Variants in BUB1B observed in about 807,000 individuals in gnomAD.
BUB1B encodes BUB1 mitotic checkpoint serine/threonine kinase B.
In BUB1B, 86 loss-of-function variants were observed where a neutral mutation model predicts 137.7. The observed-to-expected ratio is 0.62, with a 90% CI of 0.52 to 0.75. The LOEUF (loss-of-function observed/expected upper bound fraction) is 0.75. BUB1B is among the 30% of genes least tolerant of loss of function. BUB1B has a pLI of 0.00. For synonymous variants in BUB1B, 420 were observed against 417.9 expected (o/e 1.00, Z -0.06); for missense variants, 1,130 against 1,236.9 (o/e 0.91, Z 1.30).
chr15:40,181,342 C>T (rs557522724), intron 5 of BUB1B, among the ~76,000 whole-genome samples: 48 of 152,254 alleles, frequency 3.2e-4, no homozygotes, highest in African/African-American at 1.1e-3. Flanking sequence ...CCACCCGCCT[C>T]GGCCTCCCAA....
chr15:40,213,833 C>T (rs940898570), intron 20 of BUB1B, among the ~76,000 whole-genome samples: 1 of 152,134 alleles, frequency 6.6e-6, no homozygotes, highest in African/African-American at 2.4e-5. Flanking sequence ...CCACTGCACC[C>T]GGCCAAGTTG....
At chr15:40,165,337 G>T in intron 2 of BUB1B, 141 bp downstream of exon 2, 1 of 1,075,474 alleles carries the variant, frequency 9.3e-7, no homozygotes. Flanking sequence ...ACCTGCTTTC[G>T]TATCACATGA....
chr15:40,212,886 C>A (rs1260349693), intron 19 of BUB1B, among the ~76,000 whole-genome samples: 2 of 152,136 alleles, frequency 1.3e-5, no homozygotes, highest in African/African-American at 4.8e-5. Context: ...AATGAACTCC[C>A]ATGAACTAGT....
intron 13 of BUB1B, 48 bp downstream of exon 13, chr15:40,202,513 C>G: frequency 6.3e-7 from 1 of 1,592,820 alleles, no homozygotes; most frequent in East Asian, 2.2e-5. Context: ...TAAGAATTTT[C>G]TGTTATTATA....
intron 5 of BUB1B, among the ~76,000 whole-genome samples, chr15:40,180,692 C>G (rs112277679): frequency 1.6e-5 from 2 of 123,898 alleles, no homozygotes; most frequent in Non-Finnish European, 3.2e-5. Flanking sequence ...CTCTGTCGTC[C>G]GGGCTACAGT....
At position 40,208,703 on chromosome 15, in the gene BUB1B, T is replaced by G; in HGVS notation, c.2076T>G (p.Val692=). ...SSGFSGSSAS[V]ASTSSIKCLQ... The stretch of plus-strand genomic sequence containing the variant: ...GCTTCTCTGGTTCTTCTGCCTCGGT[T>G]GCAAGCACCTCCTCCATCAAATGTC... The change falls in exon 16 of 23, where the codon GTT becomes GTG. Residue 692 remains valine (V), a synonymous_variant. Transcript: ENST00000287598. 6.2e-7 allele frequency: 1 copy of G among 1,613,750 alleles called. No individual in the cohort carries two copies. Among genetic ancestry groups the G allele is most frequent in the Non-Finnish European group, 8.5e-7 (1 of 1,179,618 alleles).
At position 40,200,948 on chromosome 15, in the gene BUB1B, A is replaced by G. The variant is rs747225593; in HGVS notation, c.1535A>G (p.Glu512Gly). The change falls in exon 12 of 23, where the codon GAG (glutamate) becomes GGG (glycine). Residue 512 changes from glutamate (E) to glycine (G), a missense_variant. Transcript: ENST00000287598. ...NCCARETSLA[E>G]NIWQEQPHSK... ...CTTTACAGAGAAACTTCACTTGCGG[A>G]GAACATTTGGCAGGAACAACCTCAT... is the stretch of plus-strand genomic sequence containing the variant. The G allele has an allele frequency of 6.8e-6, 11 of 1,613,418 alleles. No individual in the cohort carries two copies. In the Middle Eastern group the frequency reaches 8.3e-4, roughly 121 times the overall value.
At chr15:40,177,142 A>G (rs1276994918) in intron 5 of BUB1B, among the ~76,000 whole-genome samples, 1 of 152,200 alleles carries the variant, frequency 6.6e-6, no homozygotes, top group African/African-American at 2.4e-5. Context: ...TTTGTCAGAT[A>G]TGTGATTTGA....
chr15:40,220,679 A>C lies in BUB1B; in HGVS notation c.3073A>C (p.Thr1025Pro). ...AGCAGAAATGAATGGGGTTTTTGAC[A>C]CTACATTCCAAAGTCACCTGAACAA... ...LAAEMNGVFD[T>P]TFQSHLNKAL... The change falls in exon 23 of 23, where the codon ACT (threonine) becomes CCT (proline). Residue 1025 changes from threonine (T) to proline (P), a missense_variant. Physicochemically the swap from Thr to Pro is conservative, Grantham distance 38. Coordinates refer to ENST00000287598, the MANE Select transcript of BUB1B (RefSeq NM_001211.6). 1 of 1,614,184 alleles carries C rather than the reference A, an allele frequency of 6.2e-7. No individual in the cohort carries two copies. Among genetic ancestry groups the C allele is most frequent in the Non-Finnish European group, 8.5e-7 (1 of 1,180,030 alleles).
intron 8 of BUB1B, among the ~76,000 whole-genome samples, chr15:40,195,896 A>G (rs2037491943): frequency 6.6e-6 from 1 of 152,184 alleles, no homozygotes; most frequent in Admixed American, 6.5e-5. Flanking sequence ...TGTCGGATGC[A>G]TAGATCGTGA....
Position 40,218,579 on chromosome 15 carries a change from G to A in BUB1B, c.2957+17G>A, listed in dbSNP as rs752575105. 5.8e-6 allele frequency: 9 copies of A among 1,550,918 alleles called. No homozygotes were observed. Among genetic ancestry groups the A allele is most frequent in the African/African-American group, 2.7e-5 (2 of 73,616 alleles). On this transcript the variant is annotated intron_variant, in intron 22 of 22. Coordinates refer to ENST00000287598, the MANE Select transcript of BUB1B (RefSeq NM_001211.6). ...TATTTCTGAGTAAGTATTGATGAATGTCAGGGTCTCTGCCTGTCCCAATAA... is the reference window on the plus strand; with the variant it reads ...TATTTCTGAGTAAGTATTGATGAATATCAGGGTCTCTGCCTGTCCCAATAA...
chr15:40,209,990 T>C, intron 17 of BUB1B, 120 bp from the exon 18 acceptor site: 1 of 990,788 alleles, frequency 1.0e-6, no homozygotes, highest in Non-Finnish European at 1.6e-6. Flanking sequence ...TTTAAAAGTA[T>C]TCTAGATACT....
intron 12 of BUB1B, among the ~76,000 whole-genome samples, chr15:40,201,305 T>G (rs2037566076): frequency 6.6e-6 from 1 of 152,232 alleles, no homozygotes. Context: ...AATTTAAAGC[T>G]ATTTTATACT....
intron 8 of BUB1B, among the ~76,000 whole-genome samples, chr15:40,189,403 G>A (rs1050046847): frequency 2.0e-5 from 3 of 152,166 alleles, no homozygotes; most frequent in Non-Finnish European, 4.4e-5. Context: ...CAAGTGGTCC[G>A]CCCACCTCGG....
Position 40,200,417 on chromosome 15 carries a change from T to G in BUB1B, c.1517+58T>G, listed in dbSNP as rs751034327. The stretch of plus-strand genomic sequence containing the variant: ...ATAGGAGGGCATTTAGAACCAACCT[T>G]TGACTCTCTAGTGCCTTGAAGTCTC... On this transcript the variant is annotated intron_variant, in intron 11 of 22. Transcript: ENST00000287598. The G allele has an allele frequency of 8.5e-5, 112 of 1,315,550 alleles. 1 individual carries two copies. Among genetic ancestry groups the G allele is most frequent in the Non-Finnish European group, 1.1e-4 (102 of 915,668 alleles). The allele number at this position is 1,315,550 out of a possible 1,614,324, so 81.5% of individuals were successfully genotyped here. A position where few individuals can be genotyped will look rare whatever the true frequency, so the allele number is the denominator to read the frequency against.
At chr15:40,211,297 T>A (rs1216875215) in intron 18 of BUB1B, among the ~76,000 whole-genome samples, 1 of 152,188 alleles carries the variant, frequency 6.6e-6, no homozygotes, top group Non-Finnish European at 1.5e-5. Flanking sequence ...TTTTGATCTC[T>A]CTCACACTAC....
At chr15:40,178,776 G>A (rs2037250373) in intron 5 of BUB1B, among the ~76,000 whole-genome samples, 1 of 151,836 alleles carries the variant, frequency 6.6e-6, no homozygotes, top group Non-Finnish European at 1.5e-5. Context: ...ATTATATAAT[G>A]TCTCCCTTTA....
intron 19 of BUB1B, 132 bp downstream of exon 19, chr15:40,212,780 T>C (rs1382007651): frequency 3.4e-6 from 3 of 877,558 alleles, no homozygotes; most frequent in Non-Finnish European, 5.2e-6. Context: ...GTTAGAAGCA[T>C]TGATAATTTT....
At chr15:40,218,600 A>G in intron 22 of BUB1B, 38 bp downstream of exon 22, 1 of 1,476,100 alleles carries the variant, frequency 6.8e-7, no homozygotes. Flanking sequence ...TGCCTGTCCC[A>G]ATAATTTTCT....
Sources: gnomAD v4.1 joint callset for allele counts (sites outside exome capture counted in the v4.1 genomes callset) on GRCh38, gnomAD v4.1.1 for gene constraint, MANE v1.5 for transcripts, NCBI Gene and HGNC (gene_info 2026-07-23, HGNC 2026-07-21) for gene names.